IL16: variants seen among roughly 807,000 people sequenced by gnomAD.
The protein encoded by IL16 is pro-interleukin-16.
A neutral mutation model predicts 110.1 loss-of-function variants in IL16; 67 were observed. The ratio of observed to expected loss-of-function variants is 0.61; its 90% CI spans 0.50 to 0.75. The LOEUF (loss-of-function observed/expected upper bound fraction) is 0.75, where lower values mean the gene tolerates loss of function less well. Ranked by LOEUF, IL16 falls within the 30% of genes least tolerant of loss-of-function variation. The probability of loss-of-function intolerance (pLI) is 0.00; values close to 1 mark genes in which losing one functional copy is unlikely to be tolerated. For missense variants in IL16, 1,545 were observed against 1,655.0 expected, an observed-to-expected ratio of 0.93 and a Z score of 1.15; for synonymous variants, 689 against 662.9, an observed-to-expected ratio of 1.04 and a Z score of -0.61.
At chr15:81,218,837 T>C (rs1177713186) in intron 1 of IL16, among the ~76,000 whole-genome samples, 1 of 152,220 alleles carries the variant, frequency 6.6e-6, no homozygotes, top group Non-Finnish European at 1.5e-5. Context: ...CTGCATGGTA[T>C]TCCATCATAC....
At chr15:81,261,210 A>G (rs1898139963) in intron 3 of IL16, among the ~76,000 whole-genome samples, 1 of 152,262 alleles carries the variant, frequency 6.6e-6, no homozygotes, top group East Asian at 1.9e-4. Flanking sequence ...TTCAAAAAAT[A>G]TATGAATAAT....
intron 2 of IL16, among the ~76,000 whole-genome samples, chr15:81,254,430 G>A (rs1897876325): frequency 6.6e-6 from 1 of 152,022 alleles, no homozygotes; most frequent in Non-Finnish European, 1.5e-5. Flanking sequence ...CCATTTCTTG[G>A]AGTTGACTGT....
intron 6 of IL16, among the ~76,000 whole-genome samples, chr15:81,277,392 G>T (rs2142279874): frequency 6.6e-6 from 1 of 152,108 alleles, no homozygotes; most frequent in Middle Eastern, 3.4e-3. Flanking sequence ...TCTCTCTAGT[G>T]CATCATAGTA....
intron 5 of IL16, among the ~76,000 whole-genome samples, 177 bp from the exon 6 acceptor site, chr15:81,272,913 T>G (rs1040645140): frequency 6.9e-6 from 1 of 144,190 alleles, no homozygotes; most frequent in African/African-American, 2.7e-5. Context: ...ATTTTTGTTG[T>G]TGTTGTTGGT....
intron 1 of IL16, among the ~76,000 whole-genome samples, chr15:81,184,840 G>A (rs1404543058): frequency 1.3e-5 from 2 of 152,172 alleles, no homozygotes; most frequent in African/African-American, 4.8e-5. Context: ...GAAGGGTGTT[G>A]GACTAGACAT....
At position 81,303,193 on chromosome 15, in the gene IL16, T is replaced by G. The variant is rs536225775; in HGVS notation, c.3319-356T>G. On this transcript the variant is annotated intron_variant, in intron 15 of 18. Coordinates refer to ENST00000683961, the MANE Select transcript of IL16 (RefSeq NM_172217.5). This position sits in a 1 kb window ranked among gnomAD's most constrained non-coding sequence, Gnocchi z 4.1. ...CTGTTTTGTTTTTTGTTGTTTTTTT[T>G]TTTTGTTTTGTTTTACCTGAAGTCC... 3.1e-3 allele frequency: 562 copies of G among 180,870 alleles called. 1 individual carries two copies. The highest frequency in any genetic ancestry group is 8.9e-3 in the African/African-American group (361 of 40,610). The allele number at this position is 180,870 out of a possible 1,614,324, so 11.2% of individuals were successfully genotyped here.
At chr15:81,295,597 C>A in intron 12 of IL16, 1 of 890,556 alleles carries the variant, frequency 1.1e-6, no homozygotes, top group Non-Finnish European at 1.6e-6. Context: ...ATATTTGGAG[C>A]TTCTAATGCC....
At chr15:81,223,601 A>G (rs1896690812) in intron 1 of IL16, among the ~76,000 whole-genome samples, 1 of 152,236 alleles carries the variant, frequency 6.6e-6, no homozygotes, top group Non-Finnish European at 1.5e-5. Context: ...CTTCTGTAAA[A>G]TGAGGATATT....
intron 1 of IL16, chr15:81,183,026 T>TGTGTGTGTGCACACATGTGA (rs1895367575): frequency 2.1e-6 from 1 of 474,052 alleles, no homozygotes; most frequent in African/African-American, 2.0e-5. Context: ...TATGAGTGAG[T>TGTGTGTGTGCACACATGTGA]GTGTGTGTGC....
rs774669445 is a variant in IL16 at position 81,305,985 on chromosome 15, C to T, written c.3498C>T (p.Asn1166=). ...AGGGCAATGAGGTTCTTTCCATCAA[C>T]GGCAAGTCTCTCAAGGGGACCACGC... is the stretch of plus-strand genomic sequence containing the variant. ...IQKGNEVLSI[N]GKSLKGTTHH... Residue 1166 remains asparagine, a synonymous_variant, in exon 17 of 19, where the codon AAC becomes AAT. Transcript: ENST00000683961. 34 of 1,614,062 alleles carry T rather than the reference C, an allele frequency of 2.1e-5. No homozygotes were observed. Among genetic ancestry groups the T allele is most frequent in the Middle Eastern group, 1.6e-4 (1 of 6,082 alleles).
intron 13 of IL16, among the ~76,000 whole-genome samples, chr15:81,297,284 G>A (rs888776485): frequency 7.2e-5 from 11 of 152,116 alleles, no homozygotes; most frequent in African/African-American, 2.7e-4. Flanking sequence ...CTGGGTGGAC[G>A]GGTGATGCTG....
intron 1 of IL16, among the ~76,000 whole-genome samples, chr15:81,202,417 G>A (rs958978896): frequency 1.3e-5 from 2 of 152,112 alleles, no homozygotes; most frequent in African/African-American, 4.8e-5. Context: ...TGAAAATTTA[G>A]CATCATCAAG....
chr15:81,300,028 A>T lies in IL16; in HGVS notation c.2702A>T (p.Glu901Val). The T allele has an allele frequency of 6.3e-7, 1 of 1,574,810 alleles. No individual in the cohort carries two copies. Among genetic ancestry groups the T allele is most frequent in the East Asian group, 2.2e-5 (1 of 44,582 alleles). Residue 901 changes from glutamate (E) to valine (V), a missense_variant, in exon 14 of 19, where the codon GAG (glutamate) becomes GTG (valine). By Grantham distance (121) the Glu-to-Val change is moderately radical. Transcript: ENST00000683961. ...CCCACTCTTGTGCCCCAGCAGCCTG[A>T]GCAAGTACTGTCCTCGGGGTCCCCT... ...AAPTLVPQQP[E>V]QVLSSGSPAA...
At position 81,274,703 on chromosome 15, in the gene IL16, G is replaced by A. The variant is rs560364431; in HGVS notation, c.790+1499G>A. 9.9e-4 allele frequency among the ~76,000 whole-genome samples: 151 copies of A among 152,348 alleles called. 1 individual carries two copies. Among genetic ancestry groups the A allele is most frequent in the African/African-American group, 3.4e-3 (142 of 41,578 alleles). ...AAAGAAAGGGAGAAAGTGGTTTTCT[G>A]TTCACATAGAAATGGATTTTATGTT... On this transcript the variant is annotated intron_variant, in intron 6 of 18. Coordinates refer to ENST00000683961, the MANE Select transcript of IL16 (RefSeq NM_172217.5).
In IL16 at chr15:81,245,724, C is replaced by CTTTTTTTTTTTTTTTTT. The variant is rs1009292228; in HGVS notation, c.313-14040_313-14024dup. ...TAGAGAGATCAGACTTTTGTTTTGGCTTTTTTTTTTTTTTTTTTTTTTTTG... is the reference window on the plus strand; with the variant it reads ...TAGAGAGATCAGACTTTTGTTTTGGCTTTTTTTTTTTTTTTTTTTTTTTTTTTTTTTTTTTTTTTTTG... On this transcript the variant is annotated intron_variant, in intron 2 of 18. Transcript: ENST00000683961. Among the ~76,000 whole-genome samples the CTTTTTTTTTTTTTTTTT allele has an allele frequency of 2.8e-4, 17 of 61,282 alleles. 2 individuals are homozygous for CTTTTTTTTTTTTTTTTT. Among genetic ancestry groups the CTTTTTTTTTTTTTTTTT allele is most frequent in the African/African-American group, 4.8e-4 (7 of 14,670 alleles). 40.2% of individuals were successfully genotyped at this position (61,282 alleles called of 152,430 possible).
At chr15:81,283,257 A>T (rs1899276477) in intron 9 of IL16, among the ~76,000 whole-genome samples, 1 of 152,050 alleles carries the variant, frequency 6.6e-6, no homozygotes, top group African/African-American at 2.4e-5. Context: ...GAGAAGCTGG[A>T]GGGGATGTCT....
chr15:81,243,061 C>T (rs969517800), intron 2 of IL16, among the ~76,000 whole-genome samples: 12 of 142,990 alleles, frequency 8.4e-5, no homozygotes, highest in Non-Finnish European at 1.7e-4. Flanking sequence ...AAGAATAATT[C>T]CACTTGGTCA....
At chr15:81,215,944 G>A (rs1896412795) in intron 1 of IL16, among the ~76,000 whole-genome samples, 2 of 152,228 alleles carry the variant, frequency 1.3e-5, no homozygotes, top group South Asian at 4.1e-4. Flanking sequence ...TACTCAGGTG[G>A]AGCAATGCGC....
intron 1 of IL16, among the ~76,000 whole-genome samples, chr15:81,211,489 T>G (rs1246163320): frequency 6.6e-6 from 1 of 152,152 alleles, no homozygotes; most frequent in Non-Finnish European, 1.5e-5. Context: ...TGACCTCAGG[T>G]GATCCACCCA....
Sources: gnomAD v4.1 joint callset for allele counts (sites outside exome capture counted in the v4.1 genomes callset) on GRCh38, gnomAD v4.1.1 for gene constraint, Gnocchi (gnomAD v3.1) non-coding constraint, MANE v1.5 for transcripts, NCBI Gene and HGNC (gene_info 2026-07-23, HGNC 2026-07-21) for gene names.